The following ECT2L variants were observed in gnomAD, a reference collection of about 807,000 sequenced individuals.
ECT2L encodes epithelial cell transforming 2 like, also known as epithelial cell-transforming sequence 2 oncogene-like.
Under a neutral mutation model 122.8 loss-of-function variants are expected in ECT2L, and 126 were observed. The observed-to-expected ratio is 1.03, with a 90% confidence interval of 0.89 to 1.19. The LOEUF is 1.19. Among genes scored for constraint, ECT2L ranks in the 50% most tolerant of loss-of-function variants. The pLI, the probability that ECT2L is intolerant of heterozygous loss-of-function variation, is 0.00. For missense variants in ECT2L, 1,012 were observed against 1,064.1 expected, an observed-to-expected ratio of 0.95 and a Z score of 0.68; for synonymous variants, 385 against 381.8, an observed-to-expected ratio of 1.01 and a Z score of -0.10.
At chr6:138,849,143 T>C in intron 8 of ECT2L, 126 bp from the exon 9 acceptor site, 1 of 954,382 alleles carries the variant, frequency 1.0e-6, no homozygotes, top group Non-Finnish European at 1.4e-6. Context: ...GAAGCTTATC[T>C]TCTTCCATAA....
chr6:138,839,860 T>A (rs1284425584), intron 5 of ECT2L, among the ~76,000 whole-genome samples: 6 of 152,198 alleles, frequency 3.9e-5, no homozygotes, highest in Non-Finnish European at 7.3e-5. Context: ...CTACAACATA[T>A]AGCCTTGAAT....
At chr6:138,850,027 A>C (rs1777378729) in intron 9 of ECT2L, among the ~76,000 whole-genome samples, 2 of 151,886 alleles carry the variant, frequency 1.3e-5, no homozygotes, top group Admixed American at 6.6e-5. Flanking sequence ...CTGAAAAAAA[A>C]CTTCTCTTTT....
chr6:138,883,655 G>A (rs1301475597), intron 16 of ECT2L, among the ~76,000 whole-genome samples: 1 of 152,210 alleles, frequency 6.6e-6, no homozygotes, highest in Non-Finnish European at 1.5e-5. Flanking sequence ...AGGGAGTCTA[G>A]TCCCTGCTGG....
At chr6:138,885,634 C>T (rs1778795893) in intron 17 of ECT2L, 40 bp from the exon 18 acceptor site, 2 of 1,613,756 alleles carry the variant, frequency 1.2e-6, no homozygotes, top group East Asian at 2.2e-5. Flanking sequence ...CATTCCTGGG[C>T]CTTCAGAGAC....
intron 20 of ECT2L, among the ~76,000 whole-genome samples, chr6:138,894,118 G>A (rs771816353): frequency 7.2e-5 from 11 of 151,994 alleles, no homozygotes; most frequent in Admixed American, 3.3e-4. Flanking sequence ...GTGCAGTGGC[G>A]CAATCTCAGC....
chr6:138,814,508 G>T lies in ECT2L; in HGVS notation c.84G>T (p.Val28=), dbSNP rs772447531. ...SLNRQLFQER[V]ALISHWFDLW... ...CCTTATAGCTCTTTCAGGAAAGAGTGGCTCTTATAAGTCATTGGTTTGACC... is the reference window on the plus strand; with the variant it reads ...CCTTATAGCTCTTTCAGGAAAGAGTTGCTCTTATAAGTCATTGGTTTGACC... Residue 28 remains valine (V), a synonymous_variant, in exon 4 of 22, where the codon GTG becomes GTT. Coordinates refer to ENST00000541398, the MANE Select transcript of ECT2L (RefSeq NM_001077706.3). 1.4e-5 allele frequency: 23 copies of T among 1,608,032 alleles called. No individual in the cohort carries two copies. Among genetic ancestry groups the T allele is most frequent in the Admixed American group, 1.3e-4 (8 of 59,790 alleles).
intron 4 of ECT2L, among the ~76,000 whole-genome samples, chr6:138,828,919 A>G (rs185815710): frequency 3.7e-4 from 56 of 152,304 alleles, no homozygotes; most frequent in African/African-American, 1.3e-3. Context: ...AGCCTCCTCA[A>G]GATAACTCTT....
chr6:138,870,053 G>A (rs1240833260), intron 13 of ECT2L: 1 of 152,320 alleles, frequency 6.6e-6, no homozygotes, highest in Admixed American at 6.6e-5. Flanking sequence ...CTGTTTTCTG[G>A]ACATGTCAAT....
intron 4 of ECT2L, among the ~76,000 whole-genome samples, chr6:138,820,130 C>T (rs1300911567): frequency 6.6e-6 from 1 of 152,128 alleles, no homozygotes; most frequent in Non-Finnish European, 1.5e-5. Context: ...GCATTCTATG[C>T]TTCAGGAGTG....
chr6:138,825,593 A>G (rs1776419402), intron 4 of ECT2L, among the ~76,000 whole-genome samples: 1 of 152,040 alleles, frequency 6.6e-6, no homozygotes, highest in African/African-American at 2.4e-5. Context: ...AAAAAAGAAA[A>G]GAAAAGAAAA....
intron 15 of ECT2L, 103 bp from the exon 16 acceptor site, chr6:138,882,621 T>C (rs1778680378): frequency 7.2e-7 from 1 of 1,385,392 alleles, no homozygotes. Flanking sequence ...AACCCTACCG[T>C]AAAGGACTAG....
rs73574609 is a variant in ECT2L, at chr6:138,797,962, G to A, written c.-244+1770G>A. On this transcript the variant is annotated intron_variant, in intron 1 of 21. Coordinates refer to ENST00000541398, the MANE Select transcript of ECT2L (RefSeq NM_001077706.3). Reference sequence around the variant, plus strand: ...CTGGATTCCCACAAGCCCCTCCTCCGGTTTGATTAATTTGCTAGAGTGACT... The same window carrying A: ...CTGGATTCCCACAAGCCCCTCCTCCAGTTTGATTAATTTGCTAGAGTGACT... Among the ~76,000 whole-genome samples, 806 of 152,208 alleles carry A rather than the reference G, an allele frequency of 5.3e-3. 8 individuals are homozygous for A. Among genetic ancestry groups the A allele is most frequent in the African/African-American group, 0.018 (763 of 41,516 alleles).
intron 20 of ECT2L, among the ~76,000 whole-genome samples, 167 bp from the exon 21 acceptor site, chr6:138,900,781 G>A (rs917634690): frequency 3.9e-5 from 6 of 152,128 alleles, no homozygotes; most frequent in Admixed American, 6.5e-5. Context: ...CAGGAGGGGC[G>A]AATCACATCA....
At chr6:138,805,378 T>C (rs750040127) in intron 1 of ECT2L, among the ~76,000 whole-genome samples, 13 of 152,258 alleles carry the variant, frequency 8.5e-5, no homozygotes, top group Non-Finnish European at 1.8e-4. Flanking sequence ...TCAAAGTACA[T>C]ATACCAATTT....
chr6:138,891,483 T>A (rs2128411753), intron 20 of ECT2L, among the ~76,000 whole-genome samples: 1 of 152,192 alleles, frequency 6.6e-6, no homozygotes, highest in Non-Finnish European at 1.5e-5. Flanking sequence ...AGAACACTGG[T>A]CTCCACAATC....
intron 10 of ECT2L, among the ~76,000 whole-genome samples, chr6:138,857,443 C>T (rs1240084956): frequency 6.6e-6 from 1 of 152,068 alleles, no homozygotes; most frequent in Non-Finnish European, 1.5e-5. Flanking sequence ...CCTCTAGGCC[C>T]TCCATCCTCA....
intron 4 of ECT2L, among the ~76,000 whole-genome samples, chr6:138,826,211 C>G (rs1776446236): frequency 6.6e-6 from 1 of 152,172 alleles, no homozygotes. Flanking sequence ...TCTCAGCTCT[C>G]TTGCTCTGGA....
In ECT2L at chr6:138,865,144, G is replaced by C. The variant is rs1777985590; in HGVS notation, c.1440G>C (p.Lys480Asn). Residue 480 changes from lysine (K) to asparagine (N), a missense_variant, in exon 12 of 22, where the codon AAG becomes AAC. By Grantham distance (94) the Lys-to-Asn change is moderately conservative (BLOSUM62 0). Transcript: ENST00000541398. ...GGAAGCAGCTGTATCCTTTCTTCAA[G>C]GAACTGCAGAAGAGCATCAGTGGCA... ...TVRKQLYPFF[K>N]ELQKSISGRM... 2 of 1,613,392 alleles carry C rather than the reference G, an allele frequency of 1.2e-6. No individual in the cohort carries two copies. Among genetic ancestry groups the C allele is most frequent in the Non-Finnish European group, 1.7e-6 (2 of 1,179,556 alleles).
chr6:138,832,919 T>G (rs9389625), intron 4 of ECT2L, among the ~76,000 whole-genome samples: 63,562 of 151,862 alleles, frequency 0.42, 13,683 homozygotes, highest in East Asian at 0.56. Flanking sequence ...AATTTATAAA[T>G]ATAAAAGCAT....
Sources: gnomAD v4.1 joint callset for allele counts (sites outside exome capture counted in the v4.1 genomes callset) on GRCh38, gnomAD v4.1.1 for gene constraint, MANE v1.5 for transcripts, NCBI Gene and HGNC (gene_info 2026-07-23, HGNC 2026-07-21) for gene names.